The following PRUNE2 variants were observed in gnomAD, a reference collection of about 807,000 sequenced individuals.
PRUNE2 encodes the protein protein prune homolog 2.
In PRUNE2, 164 loss-of-function variants were observed where a neutral mutation model predicts 252.0. That is an observed-to-expected ratio of 0.65 (90% CI 0.57 to 0.74). The LOEUF is 0.74. Among genes scored for constraint, PRUNE2 ranks in the 30% least tolerant of loss-of-function variants. PRUNE2 has a pLI of 0.00. For synonymous variants in PRUNE2, 1,292 were observed against 1,350.2 expected (o/e 0.96, Z 0.94); for missense variants, 3,495 against 3,711.0 (o/e 0.94, Z 1.51).
chr9:76,773,387 C>G (rs1300006233), intron 6 of PRUNE2, among the ~76,000 whole-genome samples: 1 of 150,182 alleles, frequency 6.7e-6, no homozygotes, highest in Non-Finnish European at 1.5e-5. Flanking sequence ...TGTTATCTGG[C>G]TTCCTGTAAT....
intron 6 of PRUNE2, among the ~76,000 whole-genome samples, chr9:76,797,249 TG>T (rs1402574995): frequency 2.0e-5 from 3 of 151,582 alleles, no homozygotes; most frequent in Non-Finnish European, 4.4e-5. Flanking sequence ...TCTATATAAT[TG>T]AAAAAAAATA....
At chr9:76,642,566 G>A (rs1717301797) in intron 12 of PRUNE2, among the ~76,000 whole-genome samples, 1 of 152,194 alleles carries the variant, frequency 6.6e-6, no homozygotes, top group South Asian at 2.1e-4. Context: ...GCCCGAATGA[G>A]AAAACTTCCT....
intron 6 of PRUNE2, among the ~76,000 whole-genome samples, chr9:76,765,781 G>A (rs2052297175): frequency 6.6e-6 from 1 of 152,178 alleles, no homozygotes; most frequent in Non-Finnish European, 1.5e-5. Flanking sequence ...GTCCAAACCA[G>A]TGCTTTTCTG....
chr9:76,652,388 C>T, intron 11 of PRUNE2, 95 bp downstream of exon 11: 11 of 840,906 alleles, frequency 1.3e-5, no homozygotes, highest in Non-Finnish European at 1.9e-5. Flanking sequence ...CTAGAAATCA[C>T]AAAAAGGATC....
At chr9:76,697,710 A>C (rs1037210953) in intron 9 of PRUNE2, among the ~76,000 whole-genome samples, 20 of 152,194 alleles carry the variant, frequency 1.3e-4, no homozygotes, top group African/African-American at 4.6e-4. Flanking sequence ...TTCATTGACA[A>C]CCACTGGGCT....
rs1420346332 is a variant in PRUNE2 at position 76,636,970 on chromosome 9, A to G, written c.8964-413T>C. Among the ~76,000 whole-genome samples the G allele has an allele frequency of 1.0e-4, 4 of 38,102 alleles. No homozygotes were observed. The East Asian group carries it at 2.6e-3, about 25-fold the overall frequency. The allele number at this position is 38,102 out of a possible 152,430, so 25.0% of individuals were successfully genotyped here. A position where few individuals can be genotyped will look rare whatever the true frequency, so the allele number is the denominator to read the frequency against. ...GACTCCAACAACAACGACAACAACA[A>G]AAATGTGTGTGTGTGTGTGTGTGTG... On this transcript the variant is annotated intron_variant, in intron 14 of 18. Transcript: ENST00000376718.
intron 2 of PRUNE2, among the ~76,000 whole-genome samples, chr9:76,852,977 C>A (rs1389363745): frequency 2.0e-5 from 3 of 152,154 alleles, no homozygotes; most frequent in African/African-American, 7.2e-5. Context: ...CTCTAAACAT[C>A]AGTCTGGTTT....
intron 4 of PRUNE2, among the ~76,000 whole-genome samples, chr9:76,841,102 G>A (rs2059367515): frequency 6.6e-6 from 1 of 152,120 alleles, no homozygotes; most frequent in Non-Finnish European, 1.5e-5. Flanking sequence ...TTCCAACTGA[G>A]GTACCTGGCT....
At chr9:76,843,838 C>T (rs2059531427) in intron 4 of PRUNE2, among the ~76,000 whole-genome samples, 1 of 151,470 alleles carries the variant, frequency 6.6e-6, no homozygotes, top group African/African-American at 2.4e-5. Context: ...AAGCAATTCT[C>T]CCGCCTCAGC....
intron 17 of PRUNE2, among the ~76,000 whole-genome samples, chr9:76,619,825 G>T (rs1432486826): frequency 6.6e-6 from 1 of 152,160 alleles, no homozygotes; most frequent in African/African-American, 2.4e-5. Context: ...TACACTGAAA[G>T]AAAAAATGTC....
chr9:76,825,119 A>G (rs978811131), intron 5 of PRUNE2, among the ~76,000 whole-genome samples: 1 of 141,178 alleles, frequency 7.1e-6, no homozygotes. Context: ...TGGCCACCAG[A>G]GCCTACACTG....
At chr9:76,630,203 C>G (rs1338211544) in intron 15 of PRUNE2, among the ~76,000 whole-genome samples, 1 of 148,298 alleles carries the variant, frequency 6.7e-6, no homozygotes, top group Non-Finnish European at 1.5e-5. Flanking sequence ...TTTGATGATA[C>G]TTTAAAAATA....
chr9:76,650,245 A>C (rs1291365515), intron 11 of PRUNE2, among the ~76,000 whole-genome samples: 4 of 150,478 alleles, frequency 2.7e-5, no homozygotes, highest in African/African-American at 9.7e-5. Context: ...ATAATATACA[A>C]TGAAAACTAT....
intron 6 of PRUNE2, among the ~76,000 whole-genome samples, chr9:76,781,556 C>T (rs896773041): frequency 6.6e-6 from 1 of 152,152 alleles, no homozygotes; most frequent in African/African-American, 2.4e-5. Flanking sequence ...ACTTACACAC[C>T]TCCCTATCTA....
intron 5 of PRUNE2, 23 bp downstream of exon 5, chr9:76,826,557 G>A (rs566000017): frequency 1.2e-5 from 19 of 1,535,786 alleles, no homozygotes; most frequent in Admixed American, 1.9e-5. Context: ...AGGGACAAGA[G>A]AGCTGGGGAC....
chr9:76,905,695 C>A (rs2063452560), intron 1 of PRUNE2, among the ~76,000 whole-genome samples: 1 of 152,090 alleles, frequency 6.6e-6, no homozygotes, highest in African/African-American at 2.4e-5. Flanking sequence ...TTCAGCCAGG[C>A]CACAACCTCC....
intron 16 of PRUNE2, chr9:76,627,828 C>T (rs1275442634): frequency 2.4e-6 from 1 of 424,800 alleles, no homozygotes; most frequent in Non-Finnish European, 4.7e-6. Flanking sequence ...AAGTTACGTC[C>T]CCTGCATCTG....
chr9:76,900,878 C>G (rs1339624327), intron 1 of PRUNE2, among the ~76,000 whole-genome samples: 2 of 152,092 alleles, frequency 1.3e-5, no homozygotes, highest in Non-Finnish European at 2.9e-5. Context: ...ACAGGAGCTC[C>G]CCAGACCAGT....
intron 1 of PRUNE2, among the ~76,000 whole-genome samples, chr9:76,879,903 ATTT>A (rs71354691): frequency 4.8e-4 from 15 of 30,978 alleles, no homozygotes; most frequent in Middle Eastern, 0.025. Flanking sequence ...ATATATATAT[ATTT>A]TTTTTTTTTT....
Sources: allele counts gnomAD v4.1 joint callset (sites outside exome capture counted in the v4.1 genomes callset), GRCh38; gene constraint gnomAD v4.1.1; transcripts MANE v1.5; gene names NCBI Gene and HGNC (gene_info 2026-07-23, HGNC 2026-07-21).